The following ANK3 variants were observed in gnomAD, a reference collection of about 807,000 sequenced individuals.
ANK3 encodes the protein ankyrin 3.
In ANK3, 57 loss-of-function variants were observed where a neutral mutation model predicts 370.9. The ratio of observed to expected loss-of-function variants is 0.15; its 90% CI spans 0.12 to 0.19. ANK3 has a LOEUF of 0.19. ANK3 is among the 10% of genes least tolerant of loss of function. The pLI is 1.00. For synonymous variants in ANK3, 1,929 were observed against 1,946.3 expected (o/e 0.99, Z 0.23); for missense variants, 4,439 against 5,302.1 (o/e 0.84, Z 5.06).
At chr10:60,035,523 G>C (rs755785445) in intron 43 of ANK3, among the ~76,000 whole-genome samples, 1 of 151,802 alleles carries the variant, frequency 6.6e-6, no homozygotes, top group African/African-American at 2.4e-5. Flanking sequence ...GAAGTGCTGG[G>C]ATTACAGGTG....
At chr10:60,094,294 TCTC>T (rs1221602927) in intron 28 of ANK3, among the ~76,000 whole-genome samples, 1 of 151,660 alleles carries the variant, frequency 6.6e-6, no homozygotes, top group East Asian at 1.9e-4. Flanking sequence ...TTCAAGCAGT[TCTC>T]CTGTCTCAGC....
intron 16 of ANK3, among the ~76,000 whole-genome samples, chr10:60,191,352 T>C (rs1437270816): frequency 6.6e-6 from 1 of 150,674 alleles, no homozygotes; most frequent in Non-Finnish European, 1.5e-5. Context: ...AAAGAACTAA[T>C]ATCCAGGATT....
intron 1 of ANK3, among the ~76,000 whole-genome samples, chr10:60,356,115 T>C (rs1313853791): frequency 6.6e-6 from 1 of 152,182 alleles, no homozygotes; most frequent in African/African-American, 2.4e-5. Flanking sequence ...AATGCACGTT[T>C]CCAGTAGAAA....
At chr10:60,238,493 C>A (rs2097368707) in intron 7 of ANK3, among the ~76,000 whole-genome samples, 1 of 152,094 alleles carries the variant, frequency 6.6e-6, no homozygotes, top group Non-Finnish European at 1.5e-5. Context: ...CCCAGACACA[C>A]ACCCTAAAGA....
chr10:60,162,506 G>A (rs553637520), intron 23 of ANK3, among the ~76,000 whole-genome samples: 4 of 152,160 alleles, frequency 2.6e-5, no homozygotes, highest in African/African-American at 9.6e-5. Context: ...ATTTACTGTG[G>A]CTTCCACTGG....
intron 1 of ANK3, among the ~76,000 whole-genome samples, chr10:60,337,447 C>T (rs1189418048): frequency 2.6e-5 from 4 of 152,076 alleles, no homozygotes; most frequent in Non-Finnish European, 5.9e-5. Flanking sequence ...ACCATTTCTC[C>T]TTTCTCTTTT....
intron 7 of ANK3, among the ~76,000 whole-genome samples, chr10:60,240,781 G>A (rs938582933): frequency 3.3e-5 from 5 of 152,096 alleles, no homozygotes; most frequent in African/African-American, 7.2e-5. Flanking sequence ...TAGCAGAGAC[G>A]AGGTTTCATC....
intron 2 of ANK3, among the ~76,000 whole-genome samples, chr10:60,484,322 C>A (rs1291360595): frequency 6.6e-6 from 1 of 152,042 alleles, no homozygotes; most frequent in Admixed American, 6.6e-5. Flanking sequence ...AGGCACAAAT[C>A]TAGGGTATTC....
chr10:60,221,252 G>A (rs1322887009), intron 8 of ANK3, among the ~76,000 whole-genome samples: 2 of 151,818 alleles, frequency 1.3e-5, no homozygotes, highest in African/African-American at 2.4e-5. Context: ...GCTAATTTTT[G>A]TATTTTTAGT....
intron 2 of ANK3, among the ~76,000 whole-genome samples, chr10:60,452,644 A>G (rs576921986): frequency 1.3e-5 from 2 of 152,362 alleles, no homozygotes; most frequent in Admixed American, 6.5e-5. Flanking sequence ...CAAACTTTAT[A>G]AAGATACTCA....
At chr10:60,382,392 A>G (rs1401742015) in intron 1 of ANK3, among the ~76,000 whole-genome samples, 1 of 152,216 alleles carries the variant, frequency 6.6e-6, no homozygotes, top group East Asian at 1.9e-4. Context: ...AACTGAGGAT[A>G]TGATCCTAAT....
intron 2 of ANK3, among the ~76,000 whole-genome samples, chr10:60,575,927 G>A (rs2077676887): frequency 6.6e-6 from 1 of 152,100 alleles, no homozygotes; most frequent in Non-Finnish European, 1.5e-5. Flanking sequence ...ATGCCCAAAG[G>A]TGTGCCAGTG....
intron 2 of ANK3, among the ~76,000 whole-genome samples, chr10:60,473,557 T>C (rs968756041): frequency 2.0e-5 from 3 of 152,074 alleles, no homozygotes; most frequent in Non-Finnish European, 4.4e-5. Flanking sequence ...AATAAGAAGA[T>C]GAGTATGAAG....
At chr10:60,254,242 TC>T (rs145585537) in intron 7 of ANK3, among the ~76,000 whole-genome samples, 17,263 of 150,824 alleles carry the variant, frequency 0.11, 1,178 homozygotes, top group South Asian at 0.2. Flanking sequence ...GTTTTTTTTT[TC>T]CCCCCAAATA....
intron 1 of ANK3, among the ~76,000 whole-genome samples, chr10:60,325,312 GAGA>G (rs2049573559): frequency 6.6e-6 from 1 of 152,154 alleles, no homozygotes; most frequent in Admixed American, 6.5e-5. Context: ...CTGTGCCTGT[GAGA>G]AGATTACATC....
intron 1 of ANK3, among the ~76,000 whole-genome samples, chr10:60,355,931 C>T (rs2057668117): frequency 6.6e-6 from 1 of 152,306 alleles, no homozygotes; most frequent in South Asian, 2.1e-4. Context: ...AGGGCAGAAA[C>T]AGAAGCCAGT....
At position 60,633,463 on chromosome 10, in the gene ANK3, C is replaced by T. The variant is rs190350640; in HGVS notation, c.58-18239G>A. 3.1e-3 allele frequency among the ~76,000 whole-genome samples: 468 copies of T among 152,008 alleles called. 3 individuals are homozygous for T. The highest frequency in any genetic ancestry group is 0.011 in the African/African-American group (437 of 41,452). ...CATCATATAAGTTAAAAATAATGAA[C>T]ATTTATTGATACAAAGGAAATACTA... is the stretch of plus-strand genomic sequence containing the variant. On this transcript the variant is annotated intron_variant, in intron 1 of 43. Transcript: ENST00000373827.
chr10:60,500,343 A>G (rs10821776), intron 2 of ANK3, among the ~76,000 whole-genome samples: 1 of 152,032 alleles, frequency 6.6e-6, no homozygotes, highest in East Asian at 1.9e-4. Flanking sequence ...CCAAACCTCA[A>G]ATTTGGCTTT....
chr10:60,712,171 C>T (rs969896126), intron 1 of ANK3, among the ~76,000 whole-genome samples: 2 of 149,510 alleles, frequency 1.3e-5, no homozygotes, highest in Non-Finnish European at 3.0e-5. Flanking sequence ...CATAGTGAGA[C>T]CCCCCCAGTC....
Sources: gnomAD v4.1 joint callset for allele counts (sites outside exome capture counted in the v4.1 genomes callset) on GRCh38, gnomAD v4.1.1 for gene constraint, MANE v1.5 for transcripts, NCBI Gene and HGNC (gene_info 2026-07-23, HGNC 2026-07-21) for gene names.